TRPC7: variants seen among roughly 807,000 people sequenced by gnomAD.
TRPC7 encodes short transient receptor potential channel 7.
In TRPC7, 42 loss-of-function variants were observed where a neutral mutation model predicts 90.1. That is an observed-to-expected ratio of 0.47 (90% CI 0.36 to 0.60). TRPC7 has a LOEUF of 0.60. Ranked by LOEUF, TRPC7 falls within the 20% of genes least tolerant of loss-of-function variation. The pLI is 0.00. For synonymous variants in TRPC7, 451 were observed against 436.3 expected (o/e 1.03, Z -0.42); for missense variants, 955 against 1,112.3 (o/e 0.86, Z 2.01).
At chr5:136,313,686 G>T (rs1758916799) in intron 3 of TRPC7, among the ~76,000 whole-genome samples, 1 of 152,142 alleles carries the variant, frequency 6.6e-6, no homozygotes, top group African/African-American at 2.4e-5. Context: ...TCCCTTGAAG[G>T]TCTTAGAAAT....
intron 3 of TRPC7, among the ~76,000 whole-genome samples, chr5:136,295,933 T>C (rs1033927385): frequency 6.6e-6 from 1 of 152,232 alleles, no homozygotes; most frequent in African/African-American, 2.4e-5. Context: ...TTCCCTTTCC[T>C]GTATACGCCA....
intron 10 of TRPC7, among the ~76,000 whole-genome samples, chr5:136,219,841 T>C (rs2149792920): frequency 6.6e-6 from 1 of 152,342 alleles, no homozygotes; most frequent in East Asian, 1.9e-4. Context: ...CAACTTGGTA[T>C]CTGCAAAAAC....
chr5:136,320,359 T>C (rs1759154117), intron 2 of TRPC7, among the ~76,000 whole-genome samples: 1 of 152,162 alleles, frequency 6.6e-6, no homozygotes, highest in African/African-American at 2.4e-5. Flanking sequence ...CCAACTGGTC[T>C]CTCCGACTCT....
At chr5:136,260,399 G>T (rs1473163263) in intron 5 of TRPC7, among the ~76,000 whole-genome samples, 1 of 152,078 alleles carries the variant, frequency 6.6e-6, no homozygotes, top group South Asian at 2.1e-4. Flanking sequence ...GGGTTGAAAG[G>T]CCTCACTCTG....
At chr5:136,296,544 A>G (rs1218730773) in intron 3 of TRPC7, among the ~76,000 whole-genome samples, 1 of 152,208 alleles carries the variant, frequency 6.6e-6, no homozygotes, top group Admixed American at 6.5e-5. Flanking sequence ...AATGTTAACA[A>G]TGGTACTTCA....
intron 2 of TRPC7, among the ~76,000 whole-genome samples, chr5:136,317,137 G>A (rs1390192742): frequency 6.6e-6 from 1 of 152,132 alleles, no homozygotes. Context: ...TATAATTTAG[G>A]TAGAAGAAGG....
At chr5:136,293,659 G>C (rs1308247930) in intron 3 of TRPC7, among the ~76,000 whole-genome samples, 1 of 152,146 alleles carries the variant, frequency 6.6e-6, no homozygotes, top group Non-Finnish European at 1.5e-5. Context: ...GCAAATGGGA[G>C]AACATTCCAT....
chr5:136,223,482 G>C (rs554016297), intron 10 of TRPC7, among the ~76,000 whole-genome samples: 1 of 151,842 alleles, frequency 6.6e-6, no homozygotes, highest in African/African-American at 2.4e-5. Flanking sequence ...GCATGGTGGC[G>C]CATGCCTGTA....
intron 7 of TRPC7, among the ~76,000 whole-genome samples, chr5:136,232,844 G>C (rs1015610786): frequency 6.6e-6 from 1 of 152,028 alleles, no homozygotes; most frequent in African/African-American, 2.4e-5. Flanking sequence ...CAGATTTTTG[G>C]TACCACTGTA....
At chr5:136,262,133 G>A (rs190265423) in intron 5 of TRPC7, among the ~76,000 whole-genome samples, 2 of 152,084 alleles carry the variant, frequency 1.3e-5, no homozygotes, top group African/African-American at 4.8e-5. Context: ...CTAAATTACT[G>A]CAGTGGCCTC....
At chr5:136,341,673 A>G (rs1425595284) in intron 2 of TRPC7, among the ~76,000 whole-genome samples, 1 of 152,190 alleles carries the variant, frequency 6.6e-6, no homozygotes, top group Non-Finnish European at 1.5e-5. Flanking sequence ...AAAAATTGAA[A>G]AGAAGATGAA....
rs569942288 is a variant in TRPC7, at chr5:136,241,223, T to C, written c.1844+6248A>G. On this transcript the variant is annotated intron_variant, in intron 7 of 11. Transcript: ENST00000513104. ...CTGAAGCTACTTCCATTAAAATGAT[T>C]CCTGGGGAGACAGAACAACCTTAAT... Among the ~76,000 whole-genome samples, 4 of 152,368 alleles carry C rather than the reference T, an allele frequency of 2.6e-5. No individual in the cohort carries two copies. The South Asian group carries it at 8.3e-4, about 32-fold the overall frequency.
intron 3 of TRPC7, among the ~76,000 whole-genome samples, chr5:136,290,742 C>T (rs1193993482): frequency 6.6e-6 from 1 of 152,118 alleles, no homozygotes; most frequent in Admixed American, 6.5e-5. Flanking sequence ...GGAGAACTTC[C>T]CCCATCTAGC....
At position 136,342,395 on chromosome 5, in the gene TRPC7, G is replaced by A. The variant is rs116340863; in HGVS notation, c.780+14213C>T. ...TAAGAGAAAGATCCTCTTGAAAAAC[G>A]AGGAGTGTTCTTCTTCCTTCTAAAT... On this transcript the variant is annotated intron_variant, in intron 2 of 11. Coordinates refer to ENST00000513104, the MANE Select transcript of TRPC7 (RefSeq NM_020389.3). Among the ~76,000 whole-genome samples the A allele has an allele frequency of 5.1e-3, 779 of 152,304 alleles. 5 individuals carry two copies. The highest frequency in any genetic ancestry group is 0.018 in the African/African-American group (737 of 41,564).
chr5:136,234,262 C>T (rs1755913079), intron 7 of TRPC7, among the ~76,000 whole-genome samples: 1 of 152,130 alleles, frequency 6.6e-6, no homozygotes, highest in South Asian at 2.1e-4. Flanking sequence ...AAACCAGCTG[C>T]ACCTGTCTAG....
In TRPC7 at chr5:136,213,273, G is replaced by T; in HGVS notation, c.*162C>A. 2 of 726,048 alleles carry T rather than the reference G, an allele frequency of 2.8e-6. No homozygotes were observed. Among genetic ancestry groups the T allele is most frequent in the South Asian group, 3.8e-5 (2 of 52,048 alleles). The allele number at this position is 726,048 out of a possible 1,614,324, so 45.0% of individuals were successfully genotyped here. On this transcript the variant is annotated 3_prime_UTR_variant, in exon 12 of 12. Transcript: ENST00000513104. ...AGCAGTTCTGGGTCTAGGCAGGCCA[G>T]CGGGCTGGAGATGTCAGTCATGCTG...
At chr5:136,359,181 T>A (rs1239359146) in intron 1 of TRPC7, among the ~76,000 whole-genome samples, 1 of 152,196 alleles carries the variant, frequency 6.6e-6, no homozygotes, top group Non-Finnish European at 1.5e-5. Context: ...GCTCAAACCT[T>A]TTTGGTTTTA....
chr5:136,346,212 T>C, intron 2 of TRPC7, among the ~76,000 whole-genome samples: 1 of 152,128 alleles, frequency 6.6e-6, no homozygotes, highest in Non-Finnish European at 1.5e-5. Flanking sequence ...ACATGTACCC[T>C]AGAACTTAAA....
chr5:136,287,744 A>G (rs1757779244), intron 3 of TRPC7, among the ~76,000 whole-genome samples: 1 of 148,740 alleles, frequency 6.7e-6, no homozygotes, highest in South Asian at 2.1e-4. Context: ...GAAAAAAAAA[A>G]CCTCTGTTGA....
Sources: allele counts gnomAD v4.1 joint callset (sites outside exome capture counted in the v4.1 genomes callset), GRCh38; gene constraint gnomAD v4.1.1; transcripts MANE v1.5; gene names NCBI Gene and HGNC (gene_info 2026-07-23, HGNC 2026-07-21).